TENM4: variants seen among roughly 807,000 people sequenced by gnomAD.
TENM4 encodes the protein teneurin-4.
Under a neutral mutation model 243.3 loss-of-function variants are expected in TENM4, and 82 were observed. That is an observed-to-expected ratio of 0.34 (90% CI 0.28 to 0.40). TENM4 has a LOEUF of 0.40. TENM4 is among the 10% of genes least tolerant of loss of function. The pLI is 1.00. For missense variants in TENM4, 3,138 were observed against 3,673.3 expected (o/e 0.85, Z 3.77); for synonymous variants, 1,412 against 1,456.3 (o/e 0.97, Z 0.69).
intron 6 of TENM4, among the ~76,000 whole-genome samples, chr11:79,046,566 TG>T (rs1444120019): frequency 2.0e-5 from 3 of 151,970 alleles, no homozygotes; most frequent in African/African-American, 7.3e-5. Flanking sequence ...CCGAGTAGGG[TG>T]GGAACCTACT....
At chr11:79,175,245 A>G (rs1863135315) in intron 3 of TENM4, among the ~76,000 whole-genome samples, 1 of 137,458 alleles carries the variant, frequency 7.3e-6, no homozygotes, top group Non-Finnish European at 1.7e-5. Context: ...AATAATTCTA[A>G]AAAATATCCC....
intron 4 of TENM4, among the ~76,000 whole-genome samples, chr11:79,132,517 T>C (rs1862030599): frequency 1.3e-5 from 2 of 152,032 alleles, no homozygotes; most frequent in Admixed American, 1.3e-4. Context: ...ATACAGAACA[T>C]TTCATCCAAC....
chr11:78,805,957 A>G (rs1237809581), intron 14 of TENM4, among the ~76,000 whole-genome samples: 1 of 152,178 alleles, frequency 6.6e-6, no homozygotes, highest in Non-Finnish European at 1.5e-5. Context: ...AGATTTTATC[A>G]TCTTCCCCAA....
At chr11:79,063,694 C>A (rs1860160210) in intron 6 of TENM4, among the ~76,000 whole-genome samples, 1 of 152,290 alleles carries the variant, frequency 6.6e-6, no homozygotes, top group South Asian at 2.1e-4. Flanking sequence ...CGACTCAGAG[C>A]CCCTCAGAAT....
rs1002948079 is a variant in TENM4, at chr11:78,787,067, G to A, written c.2196C>T (p.Asp732=). Residue 732 remains aspartate, a synonymous_variant, in exon 16 of 34, where the codon GAC becomes GAT. Coordinates refer to ENST00000278550, the MANE Select transcript of TENM4 (RefSeq NM_001098816.3). ...HDCSIEICAA[D]CGGHGVCVGG... ...CTACGCACACGCCATGGCCACCACA[G>A]TCGGCAGCACAGATCTCTGTGGGGA... is the stretch of plus-strand genomic sequence containing the variant. 1 of 1,548,056 alleles carries A rather than the reference G, an allele frequency of 6.5e-7. No individual in the cohort carries two copies. Among genetic ancestry groups the A allele is most frequent in the Non-Finnish European group, 8.7e-7 (1 of 1,144,906 alleles).
At chr11:79,135,026 G>T (rs1862080099) in intron 4 of TENM4, among the ~76,000 whole-genome samples, 1 of 152,106 alleles carries the variant, frequency 6.6e-6, no homozygotes, top group African/African-American at 2.4e-5. Flanking sequence ...CTTTTGCACA[G>T]CAAAAGGAAC....
In TENM4 at chr11:79,139,671, TA is replaced by T. The variant is rs1219281232; in HGVS notation, c.-66+9038del. 9.0e-3 allele frequency among the ~76,000 whole-genome samples: 609 copies of T among 67,646 alleles called. 52 individuals carry two copies. Among genetic ancestry groups the T allele is most frequent in the South Asian group, 0.014 (27 of 1,942 alleles). 44.4% of individuals were successfully genotyped at this position (67,646 alleles called of 152,430 possible). Reference sequence around the variant, plus strand: ...TTTATATAAGTATATAAAATATATATATTTTATATAAGTATATAAAATATAT... The same window carrying T: ...TTTATATAAGTATATAAAATATATATTTTTATATAAGTATATAAAATATAT... On this transcript the variant is annotated intron_variant, in intron 4 of 33. Coordinates refer to ENST00000278550, the MANE Select transcript of TENM4 (RefSeq NM_001098816.3).
rs897207453 is a variant in TENM4, at chr11:78,701,600, G to A, written c.5013C>T (p.Ala1671=). ...KSVTTQGHEL[A]MMTYHGNSGL... ...CGGAATTGCCATGGTATGTCATCAT[G>A]GCCAACTCGTGTCCTTGTGTGGTCA... is the stretch of plus-strand genomic sequence containing the variant. The change falls in exon 28 of 34, where the codon GCC becomes GCT. Residue 1671 remains alanine (A), a synonymous_variant. Transcript: ENST00000278550. The A allele has an allele frequency of 1.2e-6, 2 of 1,610,888 alleles. No individual in the cohort carries two copies. Among genetic ancestry groups the A allele is most frequent in the African/African-American group, 1.3e-5 (1 of 74,854 alleles).
At chr11:79,052,919 G>A (rs1162976076) in intron 6 of TENM4, among the ~76,000 whole-genome samples, 1 of 152,186 alleles carries the variant, frequency 6.6e-6, no homozygotes, top group African/African-American at 2.4e-5. Context: ...TCTCCTTGCA[G>A]CTTGTTGTGA....
chr11:79,296,463 ACT>A (rs982231744), intron 2 of TENM4, among the ~76,000 whole-genome samples: 2 of 152,120 alleles, frequency 1.3e-5, no homozygotes, highest in African/African-American at 4.8e-5. Flanking sequence ...AGCTGCCTTC[ACT>A]CTCAGGCGGA....
chr11:79,175,201 TA>T (rs2135125419), intron 3 of TENM4, among the ~76,000 whole-genome samples: 1 of 152,294 alleles, frequency 6.6e-6, no homozygotes, highest in East Asian at 1.9e-4. Flanking sequence ...CAAAAACCTG[TA>T]AAAATGTCCA....
chr11:79,353,639 TC>T (rs1461576419), intron 1 of TENM4, among the ~76,000 whole-genome samples: 2 of 148,910 alleles, frequency 1.3e-5, no homozygotes, highest in Non-Finnish European at 3.0e-5. Context: ...ATCAAGCAAA[TC>T]AGAAAAGCTG....
At chr11:79,306,848 T>C (rs902307727) in intron 1 of TENM4, among the ~76,000 whole-genome samples, 4 of 152,054 alleles carry the variant, frequency 2.6e-5, no homozygotes, top group Non-Finnish European at 5.9e-5. Context: ...CTCTGTACAA[T>C]ACCAACTCCC....
At chr11:79,175,682 T>C (rs1863145716) in intron 3 of TENM4, among the ~76,000 whole-genome samples, 1 of 152,260 alleles carries the variant, frequency 6.6e-6, no homozygotes, top group African/African-American at 2.4e-5. Flanking sequence ...TTTAGTGTGG[T>C]ATGGTAATAG....
intron 30 of TENM4, among the ~76,000 whole-genome samples, chr11:78,675,256 G>C (rs141490837): frequency 6.6e-6 from 1 of 152,188 alleles, no homozygotes; most frequent in Non-Finnish European, 1.5e-5. Context: ...GTGTAAAAGA[G>C]GGGCTTCAGT....
chr11:78,874,677 T>C (rs1254331536), intron 9 of TENM4, among the ~76,000 whole-genome samples: 2 of 152,172 alleles, frequency 1.3e-5, no homozygotes, highest in African/African-American at 4.8e-5. Flanking sequence ...AATACCCTTT[T>C]TGCAAAGAGA....
intron 18 of TENM4, 52 bp downstream of exon 18, chr11:78,770,940 G>T (rs1331330727): frequency 6.5e-7 from 1 of 1,550,082 alleles, no homozygotes. Flanking sequence ...TCTCCACTCT[G>T]GGCCTCCCAC....
intron 25 of TENM4, among the ~76,000 whole-genome samples, chr11:78,713,679 T>A (rs766481387): frequency 9.2e-5 from 14 of 152,188 alleles, no homozygotes; most frequent in Non-Finnish European, 1.8e-4. Flanking sequence ...AAACCAGAGA[T>A]AAAATAAAAA....
chr11:78,874,305 G>A (rs1243270339), intron 9 of TENM4, among the ~76,000 whole-genome samples: 1 of 152,112 alleles, frequency 6.6e-6, no homozygotes, highest in Non-Finnish European at 1.5e-5. Context: ...TAAATTTAAT[G>A]AGGATTCTTT....
Sources: allele counts gnomAD v4.1 joint callset (sites outside exome capture counted in the v4.1 genomes callset), GRCh38; gene constraint gnomAD v4.1.1; transcripts MANE v1.5; gene names NCBI Gene and HGNC (gene_info 2026-07-23, HGNC 2026-07-21).